The following RANBP2 variants were observed in gnomAD, a reference collection of about 807,000 sequenced individuals.
RANBP2 encodes the protein E3 SUMO-protein ligase RanBP2.
A neutral mutation model predicts 303.6 loss-of-function variants in RANBP2; 57 were observed. That is an observed-to-expected ratio of 0.19 (90% CI 0.15 to 0.23). RANBP2 has a LOEUF of 0.23. Among genes scored for constraint, RANBP2 ranks in the 10% least tolerant of loss-of-function variants. The probability of loss-of-function intolerance (pLI) is 1.00; values close to 1 mark genes in which losing one functional copy is unlikely to be tolerated. For synonymous variants in RANBP2, 1,167 were observed against 1,301.5 expected (o/e 0.90, Z 2.23); for missense variants, 3,138 against 3,780.8 (o/e 0.83, Z 4.46).
chr2:109,579,342 A>C, the RANBP2 span, among the ~76,000 whole-genome samples: 5 of 151,292 alleles, frequency 3.3e-5, no homozygotes, highest in East Asian at 9.7e-4. Flanking sequence ...TCCATCAAAT[A>C]TTCCAGGGAA....
the RANBP2 span, chr2:109,732,662 G>T: frequency 1.8e-6 from 1 of 547,138 alleles, no homozygotes; most frequent in Non-Finnish European, 3.6e-6. Context: ...AGAGAACCGG[G>T]TTTCATCATG....
chr2:109,205,555 T>C, the RANBP2 span, among the ~76,000 whole-genome samples: 4 of 152,202 alleles, frequency 2.6e-5, no homozygotes, highest in African/African-American at 9.7e-5. Context: ...GCCCAACTTA[T>C]GTGACTCTTT....
At chr2:109,199,602 T>TCGTTCC in the RANBP2 span, among the ~76,000 whole-genome samples, 1 of 340 alleles carries the variant, frequency 2.9e-3, no homozygotes. Context: ...TGGAATGGAA[T>TCGTTCC]GGAATGGAAT....
chr2:109,314,270 T>C, the RANBP2 span, among the ~76,000 whole-genome samples: 1 of 152,194 alleles, frequency 6.6e-6, no homozygotes, highest in Non-Finnish European at 1.5e-5. Context: ...GCTTGGCATA[T>C]GTTTTAGGAG....
rs188927186 is a variant in RANBP2, at chr2:108,719,606, G to A, written c.-1G>A. On this transcript the variant is annotated 5_prime_UTR_variant, in exon 1 of 29. Coordinates refer to ENST00000283195, the MANE Select transcript of RANBP2 (RefSeq NM_006267.5). Reference sequence around the variant, plus strand: ...GCCTCGGGAGCCAGGTTGGCGGCGCGATGAGGCGCAGCAAGGCTGACGTGG... The same window carrying A: ...GCCTCGGGAGCCAGGTTGGCGGCGCAATGAGGCGCAGCAAGGCTGACGTGG... 3.7e-6 allele frequency: 6 copies of A among 1,603,932 alleles called. No individual in the cohort carries two copies. The highest frequency in any genetic ancestry group is 1.7e-5 in the Admixed American group (1 of 58,720).
the RANBP2 span, among the ~76,000 whole-genome samples, chr2:109,000,835 C>G: frequency 6.6e-6 from 1 of 152,028 alleles, no homozygotes; most frequent in Non-Finnish European, 1.5e-5. Flanking sequence ...CGGAGGCACA[C>G]AGGATGAGGA....
Position 108,731,667 on chromosome 2 carries a change from G to A in RANBP2, c.405+193G>A, listed in dbSNP as rs542245853. On this transcript the variant is annotated intron_variant, in intron 4 of 28. Coordinates refer to ENST00000283195, the MANE Select transcript of RANBP2 (RefSeq NM_006267.5). ...TTAGGCATTGTTATACTTTATAAGT[G>A]ACATCTCATTTACCTTTCTGGAATA... The A allele has an allele frequency of 3.9e-5, 43 of 1,109,728 alleles. No individual in the cohort carries two copies. In the African/African-American group the frequency reaches 6.6e-4, roughly 17 times the overall value. The allele number at this position is 1,109,728 out of a possible 1,614,324, so 68.7% of individuals were successfully genotyped here. A position where few individuals can be genotyped will look rare whatever the true frequency, so the allele number is the denominator to read the frequency against.
At chr2:109,528,556 ACT>A in the RANBP2 span, among the ~76,000 whole-genome samples, 9 of 151,792 alleles carry the variant, frequency 5.9e-5, no homozygotes, top group Non-Finnish European at 1.2e-4. Context: ...TAGAACAGTA[ACT>A]CTGGCAACTC....
the RANBP2 span, among the ~76,000 whole-genome samples, chr2:108,994,132 T>C: frequency 6.6e-6 from 1 of 151,966 alleles, no homozygotes; most frequent in Non-Finnish European, 1.5e-5. Context: ...ACTTCCCATT[T>C]GCCCAGGATT....
chr2:109,523,775 G>A, the RANBP2 span, among the ~76,000 whole-genome samples: 1 of 152,154 alleles, frequency 6.6e-6, no homozygotes, highest in Non-Finnish European at 1.5e-5. Flanking sequence ...AGCAAAGCTG[G>A]GGAGCATCCC....
chr2:108,749,399 G>A lies in RANBP2; in HGVS notation c.1273+270G>A, dbSNP rs533034729. ...TGTAACCTCTGCCTCCCAGGTTCAA[G>A]TGATTCTGCTGCCTCAGTCTCCCAA... On this transcript the variant is annotated intron_variant, in intron 9 of 28. Transcript: ENST00000283195. 2.6e-5 allele frequency among the ~76,000 whole-genome samples: 4 copies of A among 152,254 alleles called. No individual in the cohort carries two copies. The East Asian group carries it at 5.8e-4, about 22-fold the overall frequency.
At chr2:109,266,439 C>G in the RANBP2 span, among the ~76,000 whole-genome samples, 1 of 152,122 alleles carries the variant, frequency 6.6e-6, no homozygotes, top group African/African-American at 2.4e-5. Context: ...AGTCTGAGGA[C>G]TTGACAAGGG....
intron 6 of RANBP2, among the ~76,000 whole-genome samples, chr2:108,738,137 G>A (rs531140801): frequency 1.2e-3 from 186 of 151,306 alleles, no homozygotes; most frequent in African/African-American, 4.2e-3. Flanking sequence ...GTGCGGTGGC[G>A]CCATCTCGGC....
At chr2:109,449,443 G>A in the RANBP2 span, 1 of 1,613,980 alleles carries the variant, frequency 6.2e-7, no homozygotes, top group Non-Finnish European at 8.5e-7. Context: ...TCCACATCCA[G>A]CCCCACCAAC....
the RANBP2 span, among the ~76,000 whole-genome samples, chr2:109,148,866 G>A: frequency 3.3e-5 from 5 of 151,800 alleles, no homozygotes; most frequent in Non-Finnish European, 1.5e-5. Flanking sequence ...AGTATTTTAG[G>A]TGAATTCATG....
chr2:109,237,945 G>A, the RANBP2 span, among the ~76,000 whole-genome samples: 166 of 152,304 alleles, frequency 1.1e-3, 1 homozygote, highest in African/African-American at 3.8e-3. Flanking sequence ...AATTAAAATG[G>A]TTTTTATGAC....
chr2:109,428,794 A>G, the RANBP2 span, among the ~76,000 whole-genome samples: 8 of 152,084 alleles, frequency 5.3e-5, no homozygotes, highest in Admixed American at 1.3e-4. Flanking sequence ...TGCCCTGAGC[A>G]CTCCGCAGGG....
the RANBP2 span, among the ~76,000 whole-genome samples, chr2:108,945,308 A>ACTCCAGCAGTTCCACATTTCACTACTC: frequency 6.6e-6 from 1 of 152,138 alleles, no homozygotes; most frequent in Non-Finnish European, 1.5e-5. Context: ...GTGTTTCATT[A>ACTCCAGCAGTTCCACATTTCACTACTC]CACATTTCAC....
chr2:108,957,719 T>C, the RANBP2 span, among the ~76,000 whole-genome samples: 1 of 152,376 alleles, frequency 6.6e-6, no homozygotes, highest in East Asian at 1.9e-4. Context: ...GCGAGGCTAG[T>C]GGAGGTGAGA....
Sources: gnomAD v4.1 joint callset for allele counts (sites outside exome capture counted in the v4.1 genomes callset) on GRCh38, gnomAD v4.1.1 for gene constraint, MANE v1.5 for transcripts, NCBI Gene and HGNC (gene_info 2026-07-23, HGNC 2026-07-21) for gene names.